The following OPCML variants were observed in gnomAD, a reference collection of about 807,000 sequenced individuals.
OPCML encodes the protein opioid binding protein/cell adhesion molecule like, also known as opioid-binding protein/cell adhesion molecule.
In OPCML, 13 loss-of-function variants were observed where a neutral mutation model predicts 37.8. The ratio of observed to expected loss-of-function variants is 0.34; its 90% CI spans 0.22 to 0.55. The LOEUF (loss-of-function observed/expected upper bound fraction) is 0.55, where lower values mean the gene tolerates loss of function less well. Ranked by LOEUF, OPCML falls within the 20% of genes least tolerant of loss-of-function variation. The pLI is 0.91. For synonymous variants in OPCML, 176 were observed against 168.8 expected, an observed-to-expected ratio of 1.04 and a Z score of -0.33; for missense variants, 341 against 435.6, an observed-to-expected ratio of 0.78 and a Z score of 1.93.
chr11:132,554,243 T>C (rs1180899540), intron 3 of OPCML, among the ~76,000 whole-genome samples: 2 of 152,248 alleles, frequency 1.3e-5, no homozygotes, highest in Non-Finnish European at 2.9e-5. Flanking sequence ...AAACTGTGTT[T>C]ATAAAGTTTA....
At chr11:133,038,557 C>A (rs1333943713) in intron 1 of OPCML, among the ~76,000 whole-genome samples, 1 of 152,104 alleles carries the variant, frequency 6.6e-6, no homozygotes, top group South Asian at 2.1e-4. Context: ...TAATGCCAGG[C>A]TCTAGCCCAG....
At chr11:133,331,149 A>G (rs1220148436) in intron 1 of OPCML, among the ~76,000 whole-genome samples, 2 of 152,208 alleles carry the variant, frequency 1.3e-5, no homozygotes, top group Admixed American at 6.5e-5. Flanking sequence ...AAGTTCAAGA[A>G]CGAGCAGGTG....
At chr11:132,740,217 C>T (rs887863461) in intron 2 of OPCML, among the ~76,000 whole-genome samples, 14 of 152,150 alleles carry the variant, frequency 9.2e-5, no homozygotes, top group African/African-American at 2.2e-4. Context: ...CTAACAATAA[C>T]GTATCTGTGA....
At chr11:133,296,727 C>T (rs1592177422) in intron 1 of OPCML, among the ~76,000 whole-genome samples, 2 of 152,262 alleles carry the variant, frequency 1.3e-5, no homozygotes, top group East Asian at 3.9e-4. Flanking sequence ...AAATAAAATA[C>T]ATTTTAAGAC....
Position 132,795,650 on chromosome 11 carries a change from A to G in OPCML, c.147-138331T>C, listed in dbSNP as rs190454902. 3.8e-4 allele frequency among the ~76,000 whole-genome samples: 58 copies of G among 152,300 alleles called. 1 individual carries two copies. In the South Asian group the frequency reaches 7.3e-3, roughly 19 times the overall value. On this transcript the variant is annotated intron_variant, in intron 2 of 7. Transcript: ENST00000524381. ...GGAAATTCCACATATTCCATATTTA[A>G]TTTCATGTAAAGGGAGTCCTACAAT...
At chr11:133,063,953 G>A (rs1948395461) in intron 1 of OPCML, among the ~76,000 whole-genome samples, 1 of 152,244 alleles carries the variant, frequency 6.6e-6, no homozygotes, top group Non-Finnish European at 1.5e-5. Flanking sequence ...CGGGCTAGCT[G>A]TCAGCCGGGA....
intron 2 of OPCML, among the ~76,000 whole-genome samples, chr11:132,811,701 C>T (rs753817899): frequency 9.9e-5 from 15 of 152,246 alleles, no homozygotes; most frequent in Non-Finnish European, 1.8e-4. Flanking sequence ...CTTAGAGTGT[C>T]GGCAACCCCA....
At chr11:132,503,691 C>T (rs963184879) in intron 4 of OPCML, among the ~76,000 whole-genome samples, 1 of 151,862 alleles carries the variant, frequency 6.6e-6, no homozygotes, top group African/African-American at 2.4e-5. Context: ...CCACTAGAGG[C>T]AATTTGATGA....
intron 1 of OPCML, among the ~76,000 whole-genome samples, chr11:133,281,404 T>G (rs1358039717): frequency 6.6e-6 from 1 of 152,052 alleles, no homozygotes; most frequent in Non-Finnish European, 1.5e-5. Context: ...TTGCTCCTGC[T>G]CTTGCCATGT....
chr11:132,494,703 G>A (rs1171655525), intron 4 of OPCML, among the ~76,000 whole-genome samples: 1 of 152,188 alleles, frequency 6.6e-6, no homozygotes, highest in Non-Finnish European at 1.5e-5. Flanking sequence ...TGGCCATTCT[G>A]TAAGAGGGTG....
chr11:132,927,554 C>T (rs188528242), intron 2 of OPCML, among the ~76,000 whole-genome samples: 1 of 152,130 alleles, frequency 6.6e-6, no homozygotes, highest in East Asian at 1.9e-4. Context: ...TACCACTAGA[C>T]CTGCACTTCA....
rs370888825 is a variant in OPCML at position 132,942,908 on chromosome 11, G to A, written c.146+18C>T. ...CACAGCCCAGGGGCTCGGCCCCCGCGGAAGGACAGCTCCCTACCTGAGGGT... is the reference window on the plus strand; with the variant it reads ...CACAGCCCAGGGGCTCGGCCCCCGCAGAAGGACAGCTCCCTACCTGAGGGT... On this transcript the variant is annotated intron_variant, in intron 2 of 7. Coordinates refer to ENST00000524381, the MANE Select transcript of OPCML (RefSeq NM_001012393.5). 5.0e-6 allele frequency: 8 copies of A among 1,597,886 alleles called. No individual in the cohort carries two copies. Among genetic ancestry groups the A allele is most frequent in the African/African-American group, 2.8e-5 (2 of 71,230 alleles).
intron 1 of OPCML, among the ~76,000 whole-genome samples, chr11:132,963,366 C>T (rs921387652): frequency 5.9e-5 from 9 of 151,774 alleles, no homozygotes; most frequent in South Asian, 2.1e-4. Flanking sequence ...TCGAGGTGGG[C>T]GGATCACGAG....
chr11:132,972,439 T>C (rs1946365989), intron 1 of OPCML, among the ~76,000 whole-genome samples: 1 of 152,192 alleles, frequency 6.6e-6, no homozygotes, highest in Non-Finnish European at 1.5e-5. Context: ...AACACACAGT[T>C]ACCAAGGTCA....
intron 2 of OPCML, among the ~76,000 whole-genome samples, chr11:132,917,357 T>C (rs1944641610): frequency 6.6e-6 from 1 of 152,224 alleles, no homozygotes; most frequent in Non-Finnish European, 1.5e-5. Flanking sequence ...TTAATATCTA[T>C]TGATTAAAGT....
intron 1 of OPCML, chr11:133,006,616 G>C (rs1050914498): frequency 1.0e-6 from 1 of 985,306 alleles, no homozygotes; most frequent in African/African-American, 1.7e-5. Context: ...TGCCCCACTG[G>C]CCAGAACTAT....
At chr11:133,436,930 T>C (rs1310439951) in intron 1 of OPCML, among the ~76,000 whole-genome samples, 1 of 152,236 alleles carries the variant, frequency 6.6e-6, no homozygotes, top group Admixed American at 6.5e-5. Context: ...ATTTTTGTTC[T>C]TGTTTTATGT....
chr11:133,486,238 C>T (rs1241839721), intron 1 of OPCML, among the ~76,000 whole-genome samples: 1 of 152,046 alleles, frequency 6.6e-6, no homozygotes, highest in Non-Finnish European at 1.5e-5. Flanking sequence ...AGAACATTAC[C>T]ACAAATGACA....
intron 2 of OPCML, among the ~76,000 whole-genome samples, chr11:132,914,474 C>A (rs550962684): frequency 6.6e-6 from 1 of 152,252 alleles, no homozygotes; most frequent in African/African-American, 2.4e-5. Flanking sequence ...CTTCTGTATA[C>A]GGAAAAATAA....
Sources: allele counts gnomAD v4.1 joint callset (sites outside exome capture counted in the v4.1 genomes callset), GRCh38; gene constraint gnomAD v4.1.1; transcripts MANE v1.5; gene names NCBI Gene and HGNC (gene_info 2026-07-23, HGNC 2026-07-21).